LARGE1: variants seen among roughly 807,000 people sequenced by gnomAD.
The protein encoded by LARGE1 is xylosyl- and glucuronyltransferase LARGE1.
A neutral mutation model predicts 87.6 loss-of-function variants in LARGE1; 43 were observed. The observed-to-expected ratio is 0.49, with a 90% confidence interval of 0.38 to 0.63. The LOEUF (loss-of-function observed/expected upper bound fraction) is 0.63, where lower values mean the gene tolerates loss of function less well. Ranked by LOEUF, LARGE1 falls within the 30% of genes least tolerant of loss-of-function variation. The pLI, the probability that LARGE1 is intolerant of heterozygous loss-of-function variation, is 0.00. For synonymous variants in LARGE1, 434 were observed against 394.6 expected (o/e 1.10, Z -1.18); for missense variants, 802 against 1,000.2 (o/e 0.80, Z 2.67).
At chr22:33,400,937 C>T (rs1026998445) in intron 7 of LARGE1, among the ~76,000 whole-genome samples, 1 of 152,216 alleles carries the variant, frequency 6.6e-6, no homozygotes, top group African/African-American at 2.4e-5. Flanking sequence ...CTCAGTTTTT[C>T]CACTCCCAGG....
At chr22:33,650,062 C>T (rs1187690612) in intron 3 of LARGE1, among the ~76,000 whole-genome samples, 1 of 152,172 alleles carries the variant, frequency 6.6e-6, no homozygotes, top group Non-Finnish European at 1.5e-5. Flanking sequence ...GGTGTAGAAA[C>T]CCTGCGCATG....
At chr22:33,823,647 A>G (rs188490990) in intron 1 of LARGE1, among the ~76,000 whole-genome samples, 1 of 152,220 alleles carries the variant, frequency 6.6e-6, no homozygotes, top group Admixed American at 6.5e-5. Context: ...ACTCATCCCT[A>G]TACACAGTGT....
At chr22:33,845,851 C>T (rs909608938) in intron 1 of LARGE1, among the ~76,000 whole-genome samples, 13 of 152,086 alleles carry the variant, frequency 8.5e-5, no homozygotes, top group South Asian at 2.1e-4. Context: ...AGCAAATCCG[C>T]GATATACTAT....
chr22:33,213,752 A>G (rs1305553267), intron 11 of LARGE1, among the ~76,000 whole-genome samples: 1 of 152,258 alleles, frequency 6.6e-6, no homozygotes, highest in Non-Finnish European at 1.5e-5. Flanking sequence ...AGACTGCAGT[A>G]TACTGTAAAC....
intron 7 of LARGE1, among the ~76,000 whole-genome samples, chr22:33,424,655 T>C (rs1045162814): frequency 2.0e-5 from 3 of 151,722 alleles, no homozygotes; most frequent in Admixed American, 6.6e-5. Flanking sequence ...TGAGACCCTG[T>C]CTATATAAAA....
chr22:33,407,366 T>C (rs1336684286), intron 7 of LARGE1, among the ~76,000 whole-genome samples: 1 of 152,134 alleles, frequency 6.6e-6, no homozygotes, highest in Non-Finnish European at 1.5e-5. Context: ...TGAACAAGAG[T>C]AAGAAGACTC....
At chr22:33,737,626 T>C (rs914478497) in intron 2 of LARGE1, 2 of 152,128 alleles carry the variant, frequency 1.3e-5, no homozygotes, top group African/African-American at 4.8e-5. Context: ...AACAGAGGAA[T>C]AAGCAGAGGC....
At chr22:33,648,604 G>C (rs1188269060) in intron 3 of LARGE1, among the ~76,000 whole-genome samples, 2 of 152,154 alleles carry the variant, frequency 1.3e-5, no homozygotes, top group Non-Finnish European at 2.9e-5. Context: ...CTAAATTAGG[G>C]CCCTCCCCAG....
At position 33,457,715 on chromosome 22, in the gene LARGE1, G is replaced by A. The variant is rs191010315; in HGVS notation, c.788-25450C>T. On this transcript the variant is annotated intron_variant, in intron 6 of 14. Transcript: ENST00000397394. ...AGAGTAATTTTTTTTGCACCTGAGGGAGCCAAAGCCTTACAAGGGAGGCAG... is the reference window on the plus strand; with the variant it reads ...AGAGTAATTTTTTTTGCACCTGAGGAAGCCAAAGCCTTACAAGGGAGGCAG... 1.7e-3 allele frequency among the ~76,000 whole-genome samples: 265 copies of A among 152,174 alleles called. 2 individuals carry two copies. Among genetic ancestry groups the A allele is most frequent in the African/African-American group, 6.1e-3 (253 of 41,510 alleles).
At chr22:33,321,659 G>A (rs1395164713) in intron 10 of LARGE1, among the ~76,000 whole-genome samples, 4 of 152,210 alleles carry the variant, frequency 2.6e-5, no homozygotes, top group South Asian at 2.1e-4. Flanking sequence ...TGTGTGATGC[G>A]TGGGTGTGAG....
Position 33,861,665 on chromosome 22 carries a change from C to T in LARGE1, c.-83+58330G>A, listed in dbSNP as rs142396877. On this transcript the variant is annotated intron_variant, in intron 1 of 14. Transcript: ENST00000397394. ...GCAGCATTTGGTGCCACTCCTCAGT[C>T]CTGCCCCCCAGCACTTCGCGCCAGC... 32 of 152,570 alleles carry T rather than the reference C, an allele frequency of 2.1e-4. No individual in the cohort carries two copies. In the East Asian group the frequency reaches 4.5e-3, roughly 21 times the overall value. 9.5% of individuals were successfully genotyped at this position (152,570 alleles called of 1,614,324 possible).
chr22:33,287,682 C>A (rs1931794517), intron 12 of LARGE1, among the ~76,000 whole-genome samples: 1 of 152,172 alleles, frequency 6.6e-6, no homozygotes, highest in Non-Finnish European at 1.5e-5. Context: ...CATTAGTTCT[C>A]TGGAAAGTGA....
At chr22:33,519,704 G>A (rs1302246300) in intron 6 of LARGE1, among the ~76,000 whole-genome samples, 3 of 151,908 alleles carry the variant, frequency 2.0e-5, no homozygotes, top group Non-Finnish European at 2.9e-5. Flanking sequence ...AACCAAAAGA[G>A]GAAACATAGT....
chr22:33,533,807 C>T (rs1460208996), intron 6 of LARGE1, among the ~76,000 whole-genome samples: 1 of 151,238 alleles, frequency 6.6e-6, no homozygotes, highest in Non-Finnish European at 1.5e-5. Context: ...TCAAAGCTGC[C>T]TTTTTTAAAA....
intron 1 of LARGE1, among the ~76,000 whole-genome samples, chr22:33,830,792 G>C (rs1270485336): frequency 6.6e-6 from 1 of 152,236 alleles, no homozygotes; most frequent in Non-Finnish European, 1.5e-5. Flanking sequence ...GGAAGCAGCA[G>C]ATTCAGTGTC....
At chr22:33,115,711 G>A in the LARGE1 span, among the ~76,000 whole-genome samples, 40 of 151,824 alleles carry the variant, frequency 2.6e-4, no homozygotes, top group Middle Eastern at 3.4e-3. Context: ...CCAGCTACTC[G>A]GGACGCTGAG....
rs572196887 is a variant in LARGE1, at chr22:33,858,135, C to T, written c.-83+61860G>A. ...GGAACCCCGTGACTAGTGTTCAACT[C>T]GATTAGGATGAACCCAGGCACGTAG... On this transcript the variant is annotated intron_variant, in intron 1 of 14. Coordinates refer to ENST00000397394, the MANE Select transcript of LARGE1 (RefSeq NM_133642.5). Among the ~76,000 whole-genome samples, 12 of 152,238 alleles carry T rather than the reference C, an allele frequency of 7.9e-5. No individual in the cohort carries two copies. The East Asian group carries it at 2.1e-3, about 27-fold the overall frequency.
At chr22:33,338,003 G>A (rs2146575496) in intron 9 of LARGE1, among the ~76,000 whole-genome samples, 1 of 152,276 alleles carries the variant, frequency 6.6e-6, no homozygotes, top group East Asian at 1.9e-4. Context: ...TCTGCTCTAG[G>A]TAGTCCTTTA....
At chr22:33,423,416 C>T (rs934548259) in intron 7 of LARGE1, among the ~76,000 whole-genome samples, 2 of 151,888 alleles carry the variant, frequency 1.3e-5, no homozygotes, top group African/African-American at 4.8e-5. Context: ...GTGGCTCACG[C>T]CTGTAATCCC....
Sources: gnomAD v4.1 joint callset for allele counts (sites outside exome capture counted in the v4.1 genomes callset) on GRCh38, gnomAD v4.1.1 for gene constraint, MANE v1.5 for transcripts, NCBI Gene and HGNC (gene_info 2026-07-23, HGNC 2026-07-21) for gene names.